NXPH2: variants seen among roughly 807,000 people sequenced by gnomAD.
The protein encoded by NXPH2 is neurexophilin 2, also known as neurexophilin-2.
In NXPH2, 5 loss-of-function variants were observed where a neutral mutation model predicts 19.8. That is an observed-to-expected ratio of 0.25 (90% CI 0.13 to 0.53). The LOEUF is 0.53. Among genes scored for constraint, NXPH2 ranks in the 20% least tolerant of loss-of-function variants. NXPH2 has a pLI of 0.96. For synonymous variants in NXPH2, 154 were observed against 127.4 expected (o/e 1.21, Z -1.41); for missense variants, 289 against 322.8 (o/e 0.90, Z 0.80).
intron 1 of NXPH2, among the ~76,000 whole-genome samples, chr2:138,698,728 C>T (rs1680867233): frequency 6.6e-6 from 1 of 152,078 alleles, no homozygotes; most frequent in Non-Finnish European, 1.5e-5. Context: ...GTGGTGCGTG[C>T]CTGTGGTTCC....
chr2:138,680,597 C>T (rs1680565443), intron 1 of NXPH2, among the ~76,000 whole-genome samples: 1 of 151,492 alleles, frequency 6.6e-6, no homozygotes, highest in African/African-American at 2.4e-5. Flanking sequence ...ATCTCTTGTT[C>T]TCTCTCTCTC....
intron 1 of NXPH2, among the ~76,000 whole-genome samples, chr2:138,723,446 G>A (rs1292149753): frequency 2.0e-5 from 3 of 152,100 alleles, no homozygotes; most frequent in Admixed American, 1.3e-4. Flanking sequence ...CAATGATTAC[G>A]CCATGAGGAC....
intron 1 of NXPH2, among the ~76,000 whole-genome samples, chr2:138,773,701 T>G (rs1682213290): frequency 6.6e-6 from 1 of 152,232 alleles, no homozygotes. Context: ...TGATAAAGCT[T>G]GAAAATCATA....
chr2:138,748,758 A>G (rs888221336), intron 1 of NXPH2, among the ~76,000 whole-genome samples: 4 of 152,196 alleles, frequency 2.6e-5, no homozygotes, highest in Non-Finnish European at 5.9e-5. Flanking sequence ...GAAATCAAAG[A>G]TGGCACATTA....
chr2:138,690,045 G>C (rs1680724664), intron 1 of NXPH2, among the ~76,000 whole-genome samples: 1 of 152,122 alleles, frequency 6.6e-6, no homozygotes. Flanking sequence ...AACAATGTCT[G>C]TCCCTTACGC....
chr2:138,703,447 T>G (rs1680961789), intron 1 of NXPH2, among the ~76,000 whole-genome samples: 1 of 152,190 alleles, frequency 6.6e-6, no homozygotes, highest in Admixed American at 6.5e-5. Flanking sequence ...CAGGGCCTTC[T>G]AAAGGCAGAG....
rs150917329 is a variant in NXPH2 at position 138,740,806 on chromosome 2, G to T, written c.51+39385C>A. 4.1e-4 allele frequency among the ~76,000 whole-genome samples: 63 copies of T among 151,958 alleles called. 1 individual carries two copies. Among genetic ancestry groups the T allele is most frequent in the African/African-American group, 1.5e-3 (63 of 41,450 alleles). ...AATTAGTTTGCAATGGGGCTTGTGG[G>T]GGAAAAGGAGGGTATGTATTAGGTA... On this transcript the variant is annotated intron_variant, in intron 1 of 1. Transcript: ENST00000272641.
rs1249821967 is a variant in NXPH2 at position 138,670,212 on chromosome 2, A to C, written c.*710T>G. On this transcript the variant is annotated 3_prime_UTR_variant, in exon 2 of 2. Coordinates refer to ENST00000272641, the MANE Select transcript of NXPH2 (RefSeq NM_007226.3). Reference sequence around the variant, plus strand: ...ATCATGATTTTTGTTATCGTTCAACAAACTTATTCTCAGATTTGCTTTCCC... The same window carrying C: ...ATCATGATTTTTGTTATCGTTCAACCAACTTATTCTCAGATTTGCTTTCCC... Among the ~76,000 whole-genome samples, 1 of 152,244 alleles carries C rather than the reference A, an allele frequency of 6.6e-6. No individual in the cohort carries two copies. The highest frequency in any genetic ancestry group is 1.9e-4 in the East Asian group (1 of 5,204).
chr2:138,699,964 G>A (rs1439014391), intron 1 of NXPH2, among the ~76,000 whole-genome samples: 1 of 152,146 alleles, frequency 6.6e-6, no homozygotes, highest in East Asian at 1.9e-4. Flanking sequence ...ACATTGTTCC[G>A]TTCAGGTGCT....
intron 1 of NXPH2, among the ~76,000 whole-genome samples, chr2:138,716,611 G>A (rs62163201): frequency 0.17 from 26,305 of 152,162 alleles, 2,890 homozygotes; most frequent in Middle Eastern, 0.34. Context: ...AGCCTGAGAC[G>A]ACTAAGACAA....
intron 1 of NXPH2, among the ~76,000 whole-genome samples, chr2:138,740,780 G>A (rs1009244012): frequency 1.3e-5 from 2 of 151,858 alleles, no homozygotes; most frequent in African/African-American, 4.8e-5. Flanking sequence ...ATCACAGTAA[G>A]AATTAGTTTG....
intron 1 of NXPH2, among the ~76,000 whole-genome samples, chr2:138,687,568 G>T (rs574299366): frequency 2.6e-5 from 4 of 152,270 alleles, no homozygotes; most frequent in African/African-American, 7.2e-5. Context: ...GATCCCATTT[G>T]TCAATTTTGG....
At chr2:138,734,576 G>A (rs1268769718) in intron 1 of NXPH2, among the ~76,000 whole-genome samples, 1 of 152,154 alleles carries the variant, frequency 6.6e-6, no homozygotes, top group Non-Finnish European at 1.5e-5. Context: ...TAGAAGGATG[G>A]AATGTGAAAT....
chr2:138,680,863 A>G (rs1680570438), intron 1 of NXPH2, among the ~76,000 whole-genome samples: 1 of 152,200 alleles, frequency 6.6e-6, no homozygotes, highest in Non-Finnish European at 1.5e-5. Flanking sequence ...TATAATTACT[A>G]ATGAGAGTGT....
At chr2:138,743,959 C>T (rs918574250) in intron 1 of NXPH2, among the ~76,000 whole-genome samples, 14 of 141,418 alleles carry the variant, frequency 9.9e-5, no homozygotes, top group African/African-American at 1.8e-4. Context: ...GCCGAGATTG[C>T]GCCATTGCAC....
intron 1 of NXPH2, among the ~76,000 whole-genome samples, chr2:138,679,601 T>C (rs1467305791): frequency 2.0e-5 from 3 of 152,090 alleles, no homozygotes; most frequent in Admixed American, 1.3e-4. Context: ...GGTTTCTCCA[T>C]GTTGTTCATG....
intron 1 of NXPH2, among the ~76,000 whole-genome samples, chr2:138,721,202 G>C (rs955970076): frequency 1.3e-5 from 2 of 151,994 alleles, no homozygotes; most frequent in African/African-American, 4.8e-5. Context: ...TTAGCCAGAC[G>C]TGGTGGTCTG....
intron 1 of NXPH2, among the ~76,000 whole-genome samples, chr2:138,777,291 T>C (rs1682277671): frequency 6.6e-6 from 1 of 152,122 alleles, no homozygotes; most frequent in Non-Finnish European, 1.5e-5. Context: ...TAACATGCTC[T>C]TAATATTCTT....
chr2:138,723,160 A>AGAAGCAAG (rs113536555), intron 1 of NXPH2, among the ~76,000 whole-genome samples: 1 of 151,600 alleles, frequency 6.6e-6, no homozygotes, highest in African/African-American at 2.4e-5. Flanking sequence ...ACACAAACAG[A>AGAAGCAAG]CAAGCAAGCA....
Sources: gnomAD v4.1 joint callset for allele counts (sites outside exome capture counted in the v4.1 genomes callset) on GRCh38, gnomAD v4.1.1 for gene constraint, MANE v1.5 for transcripts, NCBI Gene and HGNC (gene_info 2026-07-23, HGNC 2026-07-21) for gene names.